ASH1L: variants seen among roughly 807,000 people sequenced by gnomAD.
ASH1L encodes histone-lysine N-methyltransferase ASH1L.
In ASH1L, 23 loss-of-function variants were observed where a neutral mutation model predicts 269.0. The ratio of observed to expected loss-of-function variants is 0.09; its 90% CI spans 0.06 to 0.12. The LOEUF (loss-of-function observed/expected upper bound fraction) is 0.12, where lower values mean the gene tolerates loss of function less well. Ranked by LOEUF, ASH1L falls within the 10% of genes least tolerant of loss-of-function variation. The pLI is 1.00. For synonymous variants in ASH1L, 1,187 were observed against 1,253.5 expected (o/e 0.95, Z 1.12); for missense variants, 2,912 against 3,567.8 (o/e 0.82, Z 4.68).
rs1293355066 is a variant in ASH1L at position 155,343,173 on chromosome 1, G to A, written c.8293+141C>T. The stretch of plus-strand genomic sequence containing the variant: ...TGCCATGCCCAGCTACAGAGGCAGA[G>A]TTTTGCCACGTTGGCCAGGCTGGTC... On this transcript the variant is annotated intron_variant, in intron 24 of 27. Transcript: ENST00000392403. This position sits in a 1 kb window ranked among gnomAD's most constrained non-coding sequence, Gnocchi z 6.1. 1 of 844,264 alleles carries A rather than the reference G, an allele frequency of 1.2e-6. No homozygotes were observed. The allele number at this position is 844,264 out of a possible 1,614,324, so 52.3% of individuals were successfully genotyped here.
intron 3 of ASH1L, among the ~76,000 whole-genome samples, chr1:155,465,647 T>C (rs907863777): frequency 2.4e-4 from 36 of 152,238 alleles, no homozygotes; most frequent in Admixed American, 2.6e-4. Context: ...CAAAATTAAA[T>C]TGTTACAAAA....
At chr1:155,550,372 A>C (rs1671114075) in intron 1 of ASH1L, among the ~76,000 whole-genome samples, 1 of 152,170 alleles carries the variant, frequency 6.6e-6, no homozygotes, top group Non-Finnish European at 1.5e-5. Flanking sequence ...TTCAAAGTGC[A>C]TATATCAGAT....
chr1:155,343,583 G>C lies in ASH1L; in HGVS notation c.8120+21C>G, dbSNP rs201448737. On this transcript the variant is annotated intron_variant, in intron 23 of 27. Coordinates refer to ENST00000392403, the MANE Select transcript of ASH1L (RefSeq NM_018489.3). This position sits in a 1 kb window ranked among gnomAD's most constrained non-coding sequence, Gnocchi z 6.1. Reference sequence around the variant, plus strand: ...CTGGTACAGCACGGCTGGAAGAAAAGGACAGGACCTCAGCACGTACTTTTC... The same window carrying C: ...CTGGTACAGCACGGCTGGAAGAAAACGACAGGACCTCAGCACGTACTTTTC... 405 of 1,613,748 alleles carry C rather than the reference G, an allele frequency of 2.5e-4. 2 individuals are homozygous for C. In the African/African-American group the frequency reaches 4.9e-3, roughly 19 times the overall value.
chr1:155,403,350 T>C (rs1659013405), intron 6 of ASH1L, among the ~76,000 whole-genome samples: 1 of 152,080 alleles, frequency 6.6e-6, no homozygotes, highest in Admixed American at 6.6e-5. Flanking sequence ...ACAAAAGATA[T>C]GTCAGTACTG....
chr1:155,522,978 A>T (rs1456547809), intron 1 of ASH1L, among the ~76,000 whole-genome samples: 1 of 152,044 alleles, frequency 6.6e-6, no homozygotes, highest in Non-Finnish European at 1.5e-5. Flanking sequence ...GGTGTGAGCC[A>T]CCGTGCCCAG....
chr1:155,389,018 T>TA, intron 7 of ASH1L, among the ~76,000 whole-genome samples: 1 of 151,284 alleles, frequency 6.6e-6, no homozygotes, highest in South Asian at 2.1e-4. Flanking sequence ...CTAATTCTTT[T>TA]TTTTTGAGAC....
intron 1 of ASH1L, among the ~76,000 whole-genome samples, chr1:155,523,043 G>T (rs542968215): frequency 6.6e-6 from 1 of 152,130 alleles, no homozygotes; most frequent in Non-Finnish European, 1.5e-5. Context: ...CAGTATTCTT[G>T]AAGACTGACA....
At chr1:155,535,231 G>T (rs1393355638) in intron 1 of ASH1L, among the ~76,000 whole-genome samples, 2 of 151,126 alleles carry the variant, frequency 1.3e-5, no homozygotes, top group Admixed American at 1.3e-4. Flanking sequence ...TCTTATCTGA[G>T]GATTTTTTTT....
intron 2 of ASH1L, among the ~76,000 whole-genome samples, chr1:155,510,306 C>T (rs1470927536): frequency 6.8e-6 from 1 of 146,618 alleles, no homozygotes; most frequent in African/African-American, 2.5e-5. Flanking sequence ...CCCAGCTACT[C>T]AAGAGGCTGA....
chr1:155,386,466 C>T (rs549495937), intron 7 of ASH1L, among the ~76,000 whole-genome samples: 1 of 152,182 alleles, frequency 6.6e-6, no homozygotes, highest in Non-Finnish European at 1.5e-5. Context: ...CAGCTCATTG[C>T]AACCTCTGCC....
intron 6 of ASH1L, among the ~76,000 whole-genome samples, chr1:155,412,201 C>T (rs1043221899): frequency 2.7e-5 from 4 of 150,652 alleles, no homozygotes; most frequent in Admixed American, 2.0e-4. Context: ...AAGATCTTGC[C>T]ACTGCACCCC....
chr1:155,492,278 C>T (rs1375633080), intron 2 of ASH1L, among the ~76,000 whole-genome samples: 1 of 150,306 alleles, frequency 6.7e-6, no homozygotes, highest in Non-Finnish European at 1.5e-5. Context: ...GAACTCCCAA[C>T]CTCAGCCGCC....
intron 5 of ASH1L, among the ~76,000 whole-genome samples, chr1:155,421,115 TG>T (rs2148560356): frequency 6.6e-6 from 1 of 151,636 alleles, no homozygotes; most frequent in African/African-American, 2.4e-5. Flanking sequence ...GGCTTACACT[TG>T]TAGTCCCAGC....
chr1:155,401,314 T>C lies in ASH1L; in HGVS notation c.6009-5761A>G, dbSNP rs1018611239. Among the ~76,000 whole-genome samples the C allele has an allele frequency of 4.0e-5, 6 of 151,520 alleles. No homozygotes were observed. The South Asian group carries it at 1.3e-3, about 32-fold the overall frequency. On this transcript the variant is annotated intron_variant, in intron 6 of 27. Coordinates refer to ENST00000392403, the MANE Select transcript of ASH1L (RefSeq NM_018489.3). ...CAACATGGTGAAATCCCTTCTCTAC[T>C]AAAAATACAAAAAATTAGCCAGGCA...
intron 1 of ASH1L, among the ~76,000 whole-genome samples, chr1:155,540,725 C>T (rs1236698626): frequency 6.6e-6 from 1 of 152,050 alleles, no homozygotes. Context: ...GCTAAGATCA[C>T]ACCACTGCAC....
At chr1:155,505,079 A>G (rs1478427290) in intron 2 of ASH1L, among the ~76,000 whole-genome samples, 1 of 152,174 alleles carries the variant, frequency 6.6e-6, no homozygotes, top group Non-Finnish European at 1.5e-5. Flanking sequence ...AAGTATGGTC[A>G]TGCAATTCTT....
chr1:155,428,557 T>A (rs1661351703), intron 5 of ASH1L, among the ~76,000 whole-genome samples: 1 of 152,180 alleles, frequency 6.6e-6, no homozygotes, highest in East Asian at 1.9e-4. Flanking sequence ...ATGTTCATGA[T>A]GGCCATGACA....
intron 2 of ASH1L, among the ~76,000 whole-genome samples, chr1:155,486,311 G>T (rs1255778258): frequency 1.3e-5 from 2 of 152,028 alleles, no homozygotes; most frequent in Admixed American, 6.5e-5. Flanking sequence ...AACTGGCTTT[G>T]ACAGTCTCAT....
chr1:155,532,883 ATATATATATGTATGTATG>A (rs1669774139), intron 1 of ASH1L, among the ~76,000 whole-genome samples: 1 of 147,358 alleles, frequency 6.8e-6, no homozygotes, highest in Non-Finnish European at 1.5e-5. Flanking sequence ...ATATATATGT[ATATATATATGTATGTATG>A]TATATGTATG....
Sources: allele counts gnomAD v4.1 joint callset (sites outside exome capture counted in the v4.1 genomes callset), GRCh38; gene constraint gnomAD v4.1.1; non-coding constraint Gnocchi (gnomAD v3.1); transcripts MANE v1.5; gene names NCBI Gene and HGNC (gene_info 2026-07-23, HGNC 2026-07-21).